MMRN1: variants seen among roughly 807,000 people sequenced by gnomAD.
MMRN1 encodes multimerin 1.
MMRN1 carries 94 observed loss-of-function variants against 100.7 expected under a neutral mutation model. That is an observed-to-expected ratio of 0.93 (90% CI 0.79 to 1.11). MMRN1 has a LOEUF of 1.11. Ranked by LOEUF, MMRN1 falls within the 50% of genes least tolerant of loss-of-function variation. The pLI, the probability that MMRN1 is intolerant of heterozygous loss-of-function variation, is 0.00. For missense variants in MMRN1, 1,606 were observed against 1,439.1 expected, an observed-to-expected ratio of 1.12 and a Z score of -1.88; for synonymous variants, 575 against 505.0, an observed-to-expected ratio of 1.14 and a Z score of -1.86.
intron 1 of MMRN1, among the ~76,000 whole-genome samples, chr4:89,899,452 AC>A (rs1332997674): frequency 3.3e-5 from 5 of 152,150 alleles, no homozygotes; most frequent in Non-Finnish European, 5.9e-5. Flanking sequence ...GCCTTATGGA[AC>A]CAACAGCCCA....
chr4:89,895,202 T>C lies in MMRN1; in HGVS notation c.231T>C (p.Ser77=), dbSNP rs1721154522. ...TTPEARTSED[S]LLKSTLPPSE... Reference sequence around the variant, plus strand: ...CAGAGGCAAGAACTTCTGAAGACAGTCTTCTTAAATCAACACTGCCTCCCT... The same window carrying C: ...CAGAGGCAAGAACTTCTGAAGACAGCCTTCTTAAATCAACACTGCCTCCCT... The change falls in exon 1 of 8, where the codon AGT becomes AGC. Residue 77 remains serine (S), a synonymous_variant. Transcript: ENST00000264790. 6.2e-7 allele frequency: 1 copy of C among 1,613,664 alleles called. No individual in the cohort carries two copies. The highest frequency in any genetic ancestry group is 2.2e-5 in the East Asian group (1 of 44,774).
intron 1 of MMRN1, among the ~76,000 whole-genome samples, chr4:89,905,014 A>AG (rs896830010): frequency 7.3e-5 from 11 of 151,454 alleles, no homozygotes; most frequent in African/African-American, 1.9e-4. Context: ...TTAAAAAGAG[A>AG]GGGGGGGAAT....
chr4:89,948,006 C>T (rs1723041164), intron 6 of MMRN1, among the ~76,000 whole-genome samples: 2 of 152,110 alleles, frequency 1.3e-5, no homozygotes, highest in Admixed American at 6.5e-5. Context: ...GCACACACCA[C>T]CACACCCAGC....
intron 1 of MMRN1, among the ~76,000 whole-genome samples, chr4:89,905,252 C>A (rs193254731): frequency 6.9e-6 from 1 of 145,692 alleles, no homozygotes; most frequent in East Asian, 2.0e-4. Context: ...TAGTAATGGT[C>A]AAACAGTTAA....
At chr4:89,907,158 T>C (rs1428611084) in intron 1 of MMRN1, among the ~76,000 whole-genome samples, 1 of 151,498 alleles carries the variant, frequency 6.6e-6, no homozygotes, top group Non-Finnish European at 1.5e-5. Context: ...CCCTTTATTG[T>C]GGTCCTCTCA....
chr4:89,893,436 A>C (rs113360955), upstream of MMRN1, among the ~76,000 whole-genome samples: 3,354 of 152,226 alleles, frequency 0.022, 57 homozygotes, highest in Non-Finnish European at 0.032. Context: ...ATCCTGGTGC[A>C]CTGTGTCCAG....
chr4:89,930,955 C>T (rs760901971), intron 5 of MMRN1, among the ~76,000 whole-genome samples: 42 of 152,136 alleles, frequency 2.8e-4, no homozygotes, highest in Non-Finnish European at 5.9e-4. Flanking sequence ...TATAATTTAT[C>T]TTAATTGTGG....
intron 3 of MMRN1, among the ~76,000 whole-genome samples, chr4:89,915,499 C>A (rs1289565657): frequency 2.0e-5 from 3 of 151,456 alleles, no homozygotes; most frequent in African/African-American, 7.3e-5. Flanking sequence ...TGAGAGAGAG[C>A]AAACATCCTC....
At chr4:89,886,704 AT>A (rs1035619304) in intron 1 of MMRN1, among the ~76,000 whole-genome samples, 9 of 151,872 alleles carry the variant, frequency 5.9e-5, no homozygotes, top group Admixed American at 2.0e-4. Context: ...CATGATTTTT[AT>A]TTTTTTATTT....
rs1274353152 is a variant in MMRN1, at chr4:89,936,326, AG to A, written c.2648del (p.Gly883AlafsTer3). On this transcript the variant is annotated frameshift_variant, in exon 6 of 8. Coordinates refer to ENST00000264790, the MANE Select transcript of MMRN1 (RefSeq NM_007351.3). LOFTEE classifies it high-confidence loss of function. ...LIPYYISVKK[G>X]SVVTNERDQA... is the part of the protein sequence containing the mutation. ...TACCTTATTATATTTCAGTTAAAAA[AG>A]GCAGTGTAGTTACAAATGAGAGAGA... The A allele has an allele frequency of 6.2e-7, 1 of 1,612,706 alleles. No individual in the cohort carries two copies. The highest frequency in any genetic ancestry group is 8.5e-7 in the Non-Finnish European group (1 of 1,179,496).
intron 3 of MMRN1, among the ~76,000 whole-genome samples, chr4:89,913,558 A>T (rs1293756982): frequency 6.6e-6 from 1 of 151,334 alleles, no homozygotes; most frequent in Non-Finnish European, 1.5e-5. Context: ...AGAAACAAAG[A>T]CTAGCTGACA....
At position 89,953,475 on chromosome 4, in the gene MMRN1, A is replaced by G; in HGVS notation, c.*57A>G. ...TGAGAAACAGCCAGTGTTTTCATTT[A>G]TCTTTGCTTGCACATCTGCTCTGTT... On this transcript the variant is annotated 3_prime_UTR_variant, in exon 8 of 8. Coordinates refer to ENST00000264790, the MANE Select transcript of MMRN1 (RefSeq NM_007351.3). 4.0e-6 allele frequency: 6 copies of G among 1,482,244 alleles called. No individual in the cohort carries two copies. Among genetic ancestry groups the G allele is most frequent in the Non-Finnish European group, 5.4e-6 (6 of 1,107,050 alleles). The allele number at this position is 1,482,244 out of a possible 1,614,324, so 91.8% of individuals were successfully genotyped here. A position where few individuals can be genotyped will look rare whatever the true frequency, so the allele number is the denominator to read the frequency against.
rs184552034 is a variant in MMRN1, at chr4:89,901,830, A to G, written c.623+6236A>G. Among the ~76,000 whole-genome samples the G allele has an allele frequency of 2.6e-4, 40 of 152,160 alleles. No individual in the cohort carries two copies. The East Asian group carries it at 7.6e-3, about 29-fold the overall frequency. On this transcript the variant is annotated intron_variant, in intron 1 of 7. Coordinates refer to ENST00000264790, the MANE Select transcript of MMRN1 (RefSeq NM_007351.3). ...ATGCTAGAATTTAATGAGTGCTTATATATTCCTAATAATTAAGTGGGAACT... is the reference window on the plus strand; with the variant it reads ...ATGCTAGAATTTAATGAGTGCTTATGTATTCCTAATAATTAAGTGGGAACT...
chr4:89,911,550 G>C (rs113245779), intron 2 of MMRN1, among the ~76,000 whole-genome samples: 2 of 151,216 alleles, frequency 1.3e-5, no homozygotes, highest in Non-Finnish European at 3.0e-5. Flanking sequence ...AGGAAATACA[G>C]ATCTTTTTAA....
chr4:89,928,734 T>C (rs1033062386), intron 5 of MMRN1, among the ~76,000 whole-genome samples: 1 of 152,152 alleles, frequency 6.6e-6, no homozygotes, highest in Admixed American at 6.6e-5. Context: ...CTACATTGTG[T>C]TGAGTTCTCC....
chr4:89,925,685 C>T (rs1010970211), intron 4 of MMRN1, among the ~76,000 whole-genome samples: 6 of 151,844 alleles, frequency 4.0e-5, no homozygotes, highest in Non-Finnish European at 8.8e-5. Flanking sequence ...AAAAAATTAG[C>T]CACACGTGGT....
chr4:89,941,452 A>C (rs750285343), intron 6 of MMRN1, among the ~76,000 whole-genome samples: 1 of 152,170 alleles, frequency 6.6e-6, no homozygotes, highest in Non-Finnish European at 1.5e-5. Flanking sequence ...TCACACACAC[A>C]TACACAAAAT....
chr4:89,895,157 G>A lies in MMRN1; in HGVS notation c.186G>A (p.Ser62=), dbSNP rs768626077. The A allele has an allele frequency of 3.7e-6, 6 of 1,613,736 alleles. No homozygotes were observed. Among genetic ancestry groups the A allele is most frequent in the Non-Finnish European group, 2.5e-6 (3 of 1,179,896 alleles). Residue 62 remains serine, a synonymous_variant, in exon 1 of 8, where the codon TCG becomes TCA. Coordinates refer to ENST00000264790, the MANE Select transcript of MMRN1 (RefSeq NM_007351.3). ...TACTGCCAACCACTCGGGTCATGTC[G>A]GCGGAGATAGCTACAACTCCAGAGG... ...LQILPTTRVM[S]AEIATTPEAR... is the part of the protein sequence containing the mutation.
chr4:89,922,136 T>G (rs1008137664), intron 3 of MMRN1, among the ~76,000 whole-genome samples: 2 of 152,248 alleles, frequency 1.3e-5, no homozygotes, highest in African/African-American at 4.8e-5. Flanking sequence ...GGCAGAGTCC[T>G]GCTCTATCCC....
Sources: gnomAD v4.1 joint callset for allele counts (sites outside exome capture counted in the v4.1 genomes callset) on GRCh38, gnomAD v4.1.1 for gene constraint, MANE v1.5 for transcripts, NCBI Gene and HGNC (gene_info 2026-07-23, HGNC 2026-07-21) for gene names.